The following EHMT1 variants were observed in gnomAD, a reference collection of about 807,000 sequenced individuals.
EHMT1 encodes the protein euchromatic histone lysine methyltransferase 1.
A neutral mutation model predicts 147.2 loss-of-function variants in EHMT1; 15 were observed. The observed-to-expected ratio is 0.10, with a 90% CI of 0.07 to 0.16. The LOEUF (loss-of-function observed/expected upper bound fraction) is 0.16. Ranked by LOEUF, EHMT1 falls within the 10% of genes least tolerant of loss-of-function variation. The pLI, the probability that EHMT1 is intolerant of heterozygous loss-of-function variation, is 1.00. For missense variants in EHMT1, 1,587 were observed against 1,772.4 expected (o/e 0.90, Z 1.88); for synonymous variants, 795 against 709.6 (o/e 1.12, Z -1.91).
At chr9:137,661,699 C>T (rs1400209827) in intron 1 of EHMT1, among the ~76,000 whole-genome samples, 14 of 151,822 alleles carry the variant, frequency 9.2e-5, no homozygotes, top group Non-Finnish European at 1.3e-4. Flanking sequence ...TTGGCCAGGC[C>T]GGTCTCAAAC....
intron 6 of EHMT1, among the ~76,000 whole-genome samples, chr9:137,748,989 G>C (rs540887635): frequency 1.6e-4 from 25 of 152,310 alleles, no homozygotes; most frequent in Non-Finnish European, 2.8e-4. Context: ...CTGGGTGCTG[G>C]TGAAGGGAGA....
At chr9:137,669,346 C>G (rs1589182891) in intron 1 of EHMT1, among the ~76,000 whole-genome samples, 1 of 12,684 alleles carries the variant, frequency 7.9e-5, no homozygotes, top group Admixed American at 7.1e-4. Flanking sequence ...GGACCCCACA[C>G]CACCCAAGAC....
In EHMT1 at chr9:137,716,922, A is replaced by C; in HGVS notation, c.382A>C (p.Asn128His). Residue 128 changes from asparagine (N) to histidine (H), a missense_variant, in exon 3 of 27, where the codon AAT (asparagine) becomes CAT (histidine). Transcript: ENST00000460843. ...CATCGGCAGCAACGGATACATCTTA[A>C]ATAAGCCGGCCCTACAGGCACAGCC... ...SVIGSNGYILNKPALQAQPLR... is the reference protein window; with the variant it reads ...SVIGSNGYILHKPALQAQPLR... The C allele has an allele frequency of 6.2e-7, 1 of 1,612,974 alleles. No homozygotes were observed. The highest frequency in any genetic ancestry group is 8.5e-7 in the Non-Finnish European group (1 of 1,179,852).
intron 8 of EHMT1, among the ~76,000 whole-genome samples, chr9:137,757,303 C>T (rs1160974767): frequency 6.6e-6 from 1 of 152,222 alleles, no homozygotes; most frequent in African/African-American, 2.4e-5. Context: ...CTGGCACCTT[C>T]TGTGGGTGTC....
In EHMT1 at chr9:137,776,950, A is replaced by AGCTGAT; in HGVS notation, c.2018+116_2018+121dup. 2.9e-6 allele frequency: 3 copies of AGCTGAT among 1,047,786 alleles called. No homozygotes were observed. Among genetic ancestry groups the AGCTGAT allele is most frequent in the Non-Finnish European group, 4.3e-6 (3 of 704,622 alleles). 64.9% of individuals were successfully genotyped at this position (1,047,786 alleles called of 1,614,324 possible). ...CTGCTGTTTTTTCCAGAAGTCTCTG[A>AGCTGAT]GCTGATGCTGATGCTTATGGTGATT... is the stretch of plus-strand genomic sequence containing the variant. On this transcript the variant is annotated intron_variant, in intron 12 of 26. Coordinates refer to ENST00000460843, the MANE Select transcript of EHMT1 (RefSeq NM_024757.5). The surrounding 1 kb of genome is among the most constrained non-coding windows in gnomAD (Gnocchi z 4.4).
At chr9:137,712,846 C>T (rs937119063) in intron 2 of EHMT1, among the ~76,000 whole-genome samples, 8 of 152,026 alleles carry the variant, frequency 5.3e-5, no homozygotes, top group Admixed American at 1.3e-4. Context: ...TAAGAACTTA[C>T]CATTACTTAA....
intron 6 of EHMT1, among the ~76,000 whole-genome samples, chr9:137,750,484 A>G (rs1365301769): frequency 3.9e-5 from 6 of 152,254 alleles, no homozygotes; most frequent in Non-Finnish European, 1.5e-5. Flanking sequence ...CAACAAAAAA[A>G]AGAGTGTTCC....
In EHMT1 at chr9:137,776,645, A is replaced by G. The variant is rs1162760093; in HGVS notation, c.1819A>G (p.Ser607Gly). Reference protein sequence around the residue: ...AGNFMECQPESSISHRFHKDC... With the variant: ...AGNFMECQPEGSISHRFHKDC... ...TAATTTTATGGAGTGTCAGCCCGAG[A>G]GCAGCATCTCTCACCGTTTCCACAA... The change falls in exon 12 of 27, where the codon AGC becomes GGC. Residue 607 changes from serine (S) to glycine (G), a missense_variant. Around this residue, in one of 7 missense-constraint regions of EHMT1, gnomAD observed 124 missense variants for 197.8 expected, o/e 0.63. Transcript: ENST00000460843. This position sits in a 1 kb window ranked among gnomAD's most constrained non-coding sequence, Gnocchi z 4.4. The G allele has an allele frequency of 6.2e-7, 1 of 1,614,088 alleles. No homozygotes were observed. The highest frequency in any genetic ancestry group is 1.7e-5 in the Admixed American group (1 of 60,022).
intron 1 of EHMT1, among the ~76,000 whole-genome samples, chr9:137,633,345 A>C (rs1014629828): frequency 2.0e-5 from 3 of 151,414 alleles, no homozygotes; most frequent in African/African-American, 7.3e-5. Context: ...ATACAGATCT[A>C]CTGATTAGAA....
At chr9:137,810,318 T>TGGA (rs540324415) in intron 18 of EHMT1, among the ~76,000 whole-genome samples, 96 of 151,668 alleles carry the variant, frequency 6.3e-4, no homozygotes, top group African/African-American at 2.2e-3. Flanking sequence ...CGGCGCCAAC[T>TGGA]GGAGGAGGCC....
intron 14 of EHMT1, among the ~76,000 whole-genome samples, chr9:137,781,564 T>C (rs556256639): frequency 2.0e-5 from 3 of 152,310 alleles, no homozygotes; most frequent in South Asian, 2.1e-4. Context: ...GCTTCAGCTA[T>C]AGGTATTTTA....
chr9:137,750,777 C>T (rs189665305), intron 6 of EHMT1, among the ~76,000 whole-genome samples: 7 of 152,278 alleles, frequency 4.6e-5, no homozygotes, highest in East Asian at 1.9e-4. Flanking sequence ...GCGCGGCTGC[C>T]GGAGGGGACG....
At chr9:137,646,353 A>G in intron 1 of EHMT1, 3 of 985,544 alleles carry the variant, frequency 3.0e-6, no homozygotes, top group Non-Finnish European at 3.6e-6. Flanking sequence ...TGGCCTGAGG[A>G]ACATTTCAAG....
At chr9:137,758,051 G>A in intron 9 of EHMT1, 40 bp downstream of exon 9, 1 of 1,613,640 alleles carries the variant, frequency 6.2e-7, no homozygotes, top group South Asian at 1.1e-5. Context: ...CACCATCTTG[G>A]TCCTTTGTCT....
chr9:137,779,426 G>T (rs1951209456), intron 13 of EHMT1, among the ~76,000 whole-genome samples: 1 of 152,266 alleles, frequency 6.6e-6, no homozygotes, highest in African/African-American at 2.4e-5. Flanking sequence ...TTTACCATGA[G>T]ATATCTCGAC....
intron 1 of EHMT1, among the ~76,000 whole-genome samples, chr9:137,664,613 G>C (rs1939436591): frequency 6.6e-6 from 1 of 151,984 alleles, no homozygotes; most frequent in South Asian, 2.1e-4. Context: ...TCAATAAGTG[G>C]AAAATGGCGT....
chr9:137,754,658 G>A (rs536951184), intron 8 of EHMT1, among the ~76,000 whole-genome samples: 28 of 152,202 alleles, frequency 1.8e-4, no homozygotes, highest in African/African-American at 6.0e-4. Context: ...GACTATAGGC[G>A]TGTGCCATCA....
At chr9:137,755,095 C>T (rs966696743) in intron 8 of EHMT1, among the ~76,000 whole-genome samples, 2 of 152,168 alleles carry the variant, frequency 1.3e-5, no homozygotes, top group Non-Finnish European at 2.9e-5. Context: ...CACCTGGCAT[C>T]CAATAAAATG....
In EHMT1 at chr9:137,754,288, C is replaced by A. The variant is rs774131062; in HGVS notation, c.1366C>A (p.Leu456Ile). The A allele has an allele frequency of 4.3e-6, 7 of 1,613,950 alleles. No individual in the cohort carries two copies. Among genetic ancestry groups the A allele is most frequent in the Non-Finnish European group, 5.9e-6 (7 of 1,179,912 alleles). Residue 456 changes from leucine (L) to isoleucine (I), a missense_variant, in exon 8 of 27, where the codon CTC becomes ATC. By Grantham distance (5) the Leu-to-Ile change is conservative. Transcript: ENST00000460843. ...AAGTAGAAAGAAGCCCAGCGGTGCC[C>A]TCGGTAAATGCCGTGGGGGTGTGGG... is the stretch of plus-strand genomic sequence containing the variant. ...RRSRKKPSGA[L>I]GSESYKSSAG...
Sources: gnomAD v4.1 joint callset for allele counts (sites outside exome capture counted in the v4.1 genomes callset) on GRCh38, gnomAD v4.1.1 for gene constraint, gnomAD v4.1.1 regional missense constraint, Gnocchi (gnomAD v3.1) non-coding constraint, MANE v1.5 for transcripts, NCBI Gene and HGNC (gene_info 2026-07-23, HGNC 2026-07-21) for gene names.